WDR43: variants seen among roughly 807,000 people sequenced by gnomAD.
WDR43 encodes the protein WD repeat domain 43, also known as WD repeat-containing protein 43.
In WDR43, 13 loss-of-function variants were observed where a neutral mutation model predicts 91.4. The ratio of observed to expected loss-of-function variants is 0.14; its 90% CI spans 0.09 to 0.23. WDR43 has a LOEUF of 0.23. WDR43 is among the 10% of genes least tolerant of loss of function. WDR43 has a pLI of 1.00. For missense variants in WDR43, 780 were observed against 809.4 expected (o/e 0.96, Z 0.44); for synonymous variants, 331 against 287.9 (o/e 1.15, Z -1.51).
intron 2 of WDR43, 140 bp downstream of exon 2, chr2:28,902,264 A>T (rs1670591977): frequency 2.5e-6 from 2 of 815,568 alleles, no homozygotes; most frequent in Middle Eastern, 4.2e-4. Context: ...CGTTTAAATA[A>T]CTGAATAGTA....
chr2:28,901,588 G>T (rs73920397), intron 1 of WDR43, among the ~76,000 whole-genome samples: 5,799 of 152,278 alleles, frequency 0.038, 368 homozygotes, highest in African/African-American at 0.13. Context: ...CTTAGATATG[G>T]ACTTACGGAT....
At chr2:28,931,846 A>G (rs964373573) in intron 11 of WDR43, among the ~76,000 whole-genome samples, 2 of 151,552 alleles carry the variant, frequency 1.3e-5, no homozygotes, top group African/African-American at 2.4e-5. Context: ...AGTAAAGAGC[A>G]TAAAATACAC....
At chr2:28,930,927 C>A (rs976582758) in intron 11 of WDR43, among the ~76,000 whole-genome samples, 4 of 152,030 alleles carry the variant, frequency 2.6e-5, no homozygotes, top group African/African-American at 9.7e-5. Flanking sequence ...ATCATTTTAT[C>A]CATAAATATG....
At chr2:28,915,181 G>A (rs148466894) in intron 5 of WDR43, among the ~76,000 whole-genome samples, 1,621 of 152,298 alleles carry the variant, frequency 0.011, 30 homozygotes, top group African/African-American at 0.036. Context: ...GTAGTTGTGT[G>A]GGGGTCAGAA....
At chr2:28,911,615 T>C (rs535282465) in intron 3 of WDR43, among the ~76,000 whole-genome samples, 4 of 151,022 alleles carry the variant, frequency 2.6e-5, no homozygotes, top group East Asian at 3.9e-4. Flanking sequence ...TCTTTTGTTA[T>C]TCAGGTTCCT....
chr2:28,946,818 G>A lies in WDR43; in HGVS notation c.*39G>A, dbSNP rs995815925. ...AGCCGGTCAAACTATATAAACTCTGGCTCACCTTGCCCAGTGGTGAGGGCT... is the reference window on the plus strand; with the variant it reads ...AGCCGGTCAAACTATATAAACTCTGACTCACCTTGCCCAGTGGTGAGGGCT... On this transcript the variant is annotated 3_prime_UTR_variant, in exon 18 of 18. Transcript: ENST00000407426. The A allele has an allele frequency of 9.9e-6, 15 of 1,520,300 alleles. No homozygotes were observed. Among genetic ancestry groups the A allele is most frequent in the African/African-American group, 1.4e-5 (1 of 72,122 alleles). The allele number at this position is 1,520,300 out of a possible 1,614,324, so 94.2% of individuals were successfully genotyped here.
At chr2:28,918,093 G>T (rs1317401694) in intron 6 of WDR43, 98 bp downstream of exon 6, 2 of 1,018,798 alleles carry the variant, frequency 2.0e-6, no homozygotes, top group Non-Finnish European at 1.4e-6. Flanking sequence ...AAATAGAGAG[G>T]ACCTGAGGGA....
In WDR43 at chr2:28,927,094, G is replaced by A. The variant is rs564921810; in HGVS notation, c.1174-475G>A. On this transcript the variant is annotated intron_variant, in intron 9 of 17. Transcript: ENST00000407426. ...GCTATGATGACATCCATATGGTTTCGCTGCTGGCTGAGTTTCAGAGATGAC... is the reference window on the plus strand; with the variant it reads ...GCTATGATGACATCCATATGGTTTCACTGCTGGCTGAGTTTCAGAGATGAC... 1.6e-4 allele frequency: 81 copies of A among 519,580 alleles called. 2 individuals are homozygous for A. Among genetic ancestry groups the A allele is most frequent in the Admixed American group, 1.2e-3 (61 of 51,614 alleles). 32.2% of individuals were successfully genotyped at this position (519,580 alleles called of 1,614,324 possible). A position where few individuals can be genotyped will look rare whatever the true frequency, so the allele number is the denominator to read the frequency against.
At chr2:28,902,506 C>T (rs1670596442) in intron 2 of WDR43, among the ~76,000 whole-genome samples, 1 of 152,230 alleles carries the variant, frequency 6.6e-6, no homozygotes, top group African/African-American at 2.4e-5. Flanking sequence ...CTGTTGCTGT[C>T]TCTTGAAGAG....
intron 10 of WDR43, 42 bp from the exon 11 acceptor site, chr2:28,929,537 G>A (rs1671202427): frequency 4.0e-6 from 6 of 1,485,152 alleles, no homozygotes; most frequent in African/African-American, 1.4e-5. Context: ...ACTACTTTAA[G>A]TCTTGTCTGG....
At position 28,902,417 on chromosome 2, in the gene WDR43, C is replaced by A. The variant is rs370448808; in HGVS notation, c.363+293C>A. On this transcript the variant is annotated intron_variant, in intron 2 of 17. Transcript: ENST00000407426. Reference sequence around the variant, plus strand: ...AGCAGCTGTGGAAAGCAGCTCCCCACCTCTTGACCTAGGGGAATAAAGGAG... The same window carrying A: ...AGCAGCTGTGGAAAGCAGCTCCCCAACTCTTGACCTAGGGGAATAAAGGAG... Among the ~76,000 whole-genome samples, 104 of 152,334 alleles carry A rather than the reference C, an allele frequency of 6.8e-4. No homozygotes were observed. In the South Asian group the frequency reaches 0.021, roughly 30 times the overall value.
Position 28,900,212 on chromosome 2 carries a change from A to G in WDR43, c.226-1775A>G, listed in dbSNP as rs137955696. Among the ~76,000 whole-genome samples, 3 of 152,252 alleles carry G rather than the reference A, an allele frequency of 2.0e-5. No homozygotes were observed. In the East Asian group the frequency reaches 5.8e-4, roughly 29 times the overall value. ...TCTTTTTTTCGTTTTGTTTTGTTTG[A>G]GATGAGTCTCTGTCGCCCAGGCTGG... On this transcript the variant is annotated intron_variant, in intron 1 of 17. Transcript: ENST00000407426.
intron 5 of WDR43, among the ~76,000 whole-genome samples, chr2:28,914,616 T>G (rs1240463062): frequency 6.6e-6 from 1 of 152,180 alleles, no homozygotes; most frequent in African/African-American, 2.4e-5. Flanking sequence ...ATTAACTAGT[T>G]CCCTTTGAAA....
chr2:28,941,179 A>G (rs1345055808), intron 14 of WDR43, among the ~76,000 whole-genome samples: 1 of 152,200 alleles, frequency 6.6e-6, no homozygotes, highest in African/African-American at 2.4e-5. Flanking sequence ...TATCTGAAAT[A>G]GTTTGATCAA....
chr2:28,925,256 A>T, intron 8 of WDR43, 103 bp downstream of exon 8: 1 of 1,139,830 alleles, frequency 8.8e-7, no homozygotes, highest in Non-Finnish European at 1.2e-6. Context: ...TAAATAATAT[A>T]TTCTTTTTTA....
At chr2:28,903,646 C>T (rs892311972) in intron 2 of WDR43, among the ~76,000 whole-genome samples, 4 of 152,132 alleles carry the variant, frequency 2.6e-5, no homozygotes, top group Admixed American at 6.6e-5. Context: ...CTATATTCTT[C>T]CCCCCTCCTC....
At chr2:28,918,058 G>T in intron 6 of WDR43, 63 bp downstream of exon 6, 2 of 1,385,776 alleles carry the variant, frequency 1.4e-6, no homozygotes, top group Non-Finnish European at 2.0e-6. Context: ...TTACAGTCAA[G>T]GTTTTGATGA....
At chr2:28,912,362 C>A (rs150776619) in intron 3 of WDR43, among the ~76,000 whole-genome samples, 1 of 152,148 alleles carries the variant, frequency 6.6e-6, no homozygotes, top group East Asian at 1.9e-4. Flanking sequence ...TTATCCCATG[C>A]CTGCCAAAGG....
rs184984856 is a variant in WDR43, at chr2:28,930,186, G to A, written c.1437+476G>A. On this transcript the variant is annotated intron_variant, in intron 11 of 17. Coordinates refer to ENST00000407426, the MANE Select transcript of WDR43 (RefSeq NM_015131.3). ...GGGGGAAAATTCAAGAGGGTTGGGG[G>A]TTATGTTGTAAAATATGTAGAGGTA... 738 of 452,834 alleles carry A rather than the reference G, an allele frequency of 1.6e-3. 5 individuals are homozygous for A. The highest frequency in any genetic ancestry group is 3.9e-4 in the Non-Finnish European group (86 of 217,880). The allele number at this position is 452,834 out of a possible 1,614,324, so 28.1% of individuals were successfully genotyped here. A position where few individuals can be genotyped will look rare whatever the true frequency, so the allele number is the denominator to read the frequency against.
Sources: allele counts gnomAD v4.1 joint callset (sites outside exome capture counted in the v4.1 genomes callset), GRCh38; gene constraint gnomAD v4.1.1; transcripts MANE v1.5; gene names NCBI Gene and HGNC (gene_info 2026-07-23, HGNC 2026-07-21).